TRAPPC9: variants seen among roughly 807,000 people sequenced by gnomAD.
TRAPPC9 encodes the protein trafficking protein particle complex subunit 9, also known as IKK2 binding protein.
Under a neutral mutation model 124.0 loss-of-function variants are expected in TRAPPC9, and 83 were observed. That is an observed-to-expected ratio of 0.67 (90% CI 0.56 to 0.80). TRAPPC9 has a LOEUF of 0.80. Ranked by LOEUF, TRAPPC9 falls within the 30% of genes least tolerant of loss-of-function variation. The probability of loss-of-function intolerance (pLI) is 0.00; values close to 1 mark genes in which losing one functional copy is unlikely to be tolerated. For missense variants in TRAPPC9, 1,302 were observed against 1,508.3 expected, an observed-to-expected ratio of 0.86 and a Z score of 2.27; for synonymous variants, 638 against 617.5, an observed-to-expected ratio of 1.03 and a Z score of -0.49.
At chr8:140,242,748 A>G (rs564937863) in intron 16 of TRAPPC9, among the ~76,000 whole-genome samples, 237 of 152,370 alleles carry the variant, frequency 1.6e-3, no homozygotes, top group African/African-American at 5.4e-3. Flanking sequence ...AGGAACATCC[A>G]TAGCTGGGGA....
intron 18 of TRAPPC9, among the ~76,000 whole-genome samples, chr8:139,991,059 C>T (rs963701048): frequency 6.6e-6 from 1 of 152,202 alleles, no homozygotes; most frequent in African/African-American, 2.4e-5. Flanking sequence ...GGCCTCTTCA[C>T]TCAGCTCACA....
Position 139,855,846 on chromosome 8 carries a change from C to T in TRAPPC9, c.3055+30033G>A, listed in dbSNP as rs73726683. ...ATAAGACTGGCAATTGCTTGAGGCA[C>T]GGGCCAAGCCATATGCCTCTTATTT... On this transcript the variant is annotated intron_variant, in intron 21 of 22. Coordinates refer to ENST00000438773, the MANE Select transcript of TRAPPC9 (RefSeq NM_001160372.4). 2.8e-3 allele frequency among the ~76,000 whole-genome samples: 431 copies of T among 152,358 alleles called. 4 individuals carry two copies. The highest frequency in any genetic ancestry group is 9.8e-3 in the African/African-American group (407 of 41,574).
intron 21 of TRAPPC9, among the ~76,000 whole-genome samples, chr8:139,843,158 C>T (rs886561740): frequency 2.6e-5 from 4 of 152,336 alleles, no homozygotes; most frequent in East Asian, 1.9e-4. Flanking sequence ...TGGAAGAACA[C>T]GTGGCATGCT....
At chr8:139,942,503 T>C (rs779910237) in intron 19 of TRAPPC9, among the ~76,000 whole-genome samples, 1 of 152,180 alleles carries the variant, frequency 6.6e-6, no homozygotes, top group Non-Finnish European at 1.5e-5. Context: ...GAACTTCTTA[T>C]TGGTGCTTAA....
intron 17 of TRAPPC9, among the ~76,000 whole-genome samples, chr8:140,029,645 T>A (rs951056437): frequency 2.0e-5 from 3 of 149,838 alleles, no homozygotes; most frequent in African/African-American, 7.3e-5. Flanking sequence ...ATTAAAAATA[T>A]ATATATATAT....
At chr8:140,312,913 C>T (rs2066338461) in intron 9 of TRAPPC9, among the ~76,000 whole-genome samples, 1 of 152,092 alleles carries the variant, frequency 6.6e-6, no homozygotes, top group Non-Finnish European at 1.5e-5. Context: ...GCATGTGTCA[C>T]CATGCTTGGC....
At chr8:140,002,864 A>G (rs1024097945) in intron 18 of TRAPPC9, among the ~76,000 whole-genome samples, 2 of 150,540 alleles carry the variant, frequency 1.3e-5, no homozygotes, top group Non-Finnish European at 3.0e-5. Flanking sequence ...AAAAAAAAAA[A>G]AAAGGAAAAG....
At chr8:140,458,410 C>T (rs1422265293), upstream of TRAPPC9, 3 of 1,594,632 alleles carry the variant, frequency 1.9e-6, no homozygotes, top group Non-Finnish European at 1.7e-6. Context: ...GTGACTCCCA[C>T]GGTCGTGCCC....
At chr8:139,774,259 A>G (rs1228948367) in intron 21 of TRAPPC9, among the ~76,000 whole-genome samples, 1 of 152,030 alleles carries the variant, frequency 6.6e-6, no homozygotes, top group African/African-American at 2.4e-5. Context: ...GTGAGAAGAG[A>G]CTGTGGGTGG....
intron 9 of TRAPPC9, among the ~76,000 whole-genome samples, chr8:140,333,974 C>CT (rs2066965655): frequency 6.6e-6 from 1 of 152,190 alleles, no homozygotes; most frequent in African/African-American, 2.4e-5. Context: ...AGTCCAAGCA[C>CT]TTTACATATG....
At chr8:140,299,680 T>C (rs1588118321) in intron 11 of TRAPPC9, among the ~76,000 whole-genome samples, 1 of 152,182 alleles carries the variant, frequency 6.6e-6, no homozygotes, top group Non-Finnish European at 1.5e-5. Context: ...CATGTCTTTG[T>C]GGCAGCAAGG....
intron 9 of TRAPPC9, among the ~76,000 whole-genome samples, chr8:140,321,275 T>G (rs377501691): frequency 1.4e-4 from 22 of 152,272 alleles, no homozygotes; most frequent in African/African-American, 4.8e-4. Flanking sequence ...AGGAGCCAGG[T>G]GCCAGGAGGA....
chr8:139,992,624 G>T (rs970550539), intron 18 of TRAPPC9, among the ~76,000 whole-genome samples: 1 of 150,056 alleles, frequency 6.7e-6, no homozygotes. Context: ...CAATGATGTG[G>T]GAGGTTTTTT....
chr8:140,281,612 A>G (rs1402925826), intron 14 of TRAPPC9, among the ~76,000 whole-genome samples: 3 of 152,202 alleles, frequency 2.0e-5, no homozygotes, highest in Non-Finnish European at 4.4e-5. Flanking sequence ...GATGAAGTCC[A>G]ATCTGTCAAC....
chr8:140,295,810 T>C (rs1324861481), intron 11 of TRAPPC9, among the ~76,000 whole-genome samples: 2 of 152,220 alleles, frequency 1.3e-5, no homozygotes, highest in African/African-American at 2.4e-5. Flanking sequence ...GTCAAGCTTC[T>C]GCACAAGCAC....
chr8:140,271,235 G>C (rs577289134), intron 15 of TRAPPC9, among the ~76,000 whole-genome samples: 1 of 152,220 alleles, frequency 6.6e-6, no homozygotes, highest in East Asian at 1.9e-4. Flanking sequence ...CACCCAAATT[G>C]GTCCCAAAAG....
intron 21 of TRAPPC9, among the ~76,000 whole-genome samples, chr8:139,769,169 C>A (rs1462770456): frequency 1.3e-5 from 2 of 152,236 alleles, no homozygotes; most frequent in East Asian, 3.8e-4. Context: ...CCAAGACCCC[C>A]AGTGGACGGC....
At chr8:140,020,185 C>T (rs1450800891) in intron 18 of TRAPPC9, among the ~76,000 whole-genome samples, 1 of 152,090 alleles carries the variant, frequency 6.6e-6, no homozygotes, top group Non-Finnish European at 1.5e-5. Context: ...TTTCAGAGAA[C>T]CAACTGTTGG....
chr8:140,288,396 G>C (rs557275598), intron 12 of TRAPPC9, among the ~76,000 whole-genome samples: 1 of 152,332 alleles, frequency 6.6e-6, no homozygotes, highest in East Asian at 1.9e-4. Flanking sequence ...CCACACATCT[G>C]TGAGTTATCA....
Sources: gnomAD v4.1 joint callset for allele counts (sites outside exome capture counted in the v4.1 genomes callset) on GRCh38, gnomAD v4.1.1 for gene constraint, MANE v1.5 for transcripts, NCBI Gene and HGNC (gene_info 2026-07-23, HGNC 2026-07-21) for gene names.